Variants in DNAH3 observed in about 807,000 individuals in gnomAD.
DNAH3 encodes axonemal beta dynein heavy chain 3.
Under a neutral mutation model 432.5 loss-of-function variants are expected in DNAH3, and 332 were observed. The observed-to-expected ratio is 0.77, with a 90% CI of 0.70 to 0.84. The LOEUF (loss-of-function observed/expected upper bound fraction) is 0.84. Among genes scored for constraint, DNAH3 ranks in the 40% least tolerant of loss-of-function variants. The pLI is 0.00. For missense variants in DNAH3, 4,861 were observed against 5,114.0 expected, an observed-to-expected ratio of 0.95 and a Z score of 1.51; for synonymous variants, 1,956 against 1,900.2, an observed-to-expected ratio of 1.03 and a Z score of -0.76.
At chr16:21,139,711 T>C (rs1254599018) in intron 5 of DNAH3, among the ~76,000 whole-genome samples, 1 of 148,736 alleles carries the variant, frequency 6.7e-6, no homozygotes, top group African/African-American at 2.5e-5. Flanking sequence ...CAAGTGATCC[T>C]CCCCATTCCT....
At position 20,956,547 on chromosome 16, in the gene DNAH3, T is replaced by A. The variant is rs547739161; in HGVS notation, c.10827-1490A>T. 1.5e-4 allele frequency among the ~76,000 whole-genome samples: 23 copies of A among 152,294 alleles called. No homozygotes were observed. In the South Asian group the frequency reaches 4.8e-3, roughly 32 times the overall value. Reference sequence around the variant, plus strand: ...GCACTTGAGAACTTGAGTTCATGATTTTTGGGTCAGGATCATATTACAGTA... The same window carrying A: ...GCACTTGAGAACTTGAGTTCATGATATTTGGGTCAGGATCATATTACAGTA... On this transcript the variant is annotated intron_variant, in intron 54 of 61. Coordinates refer to ENST00000261383, the Ensembl canonical transcript of DNAH3.
chr16:21,141,197 G>A, intron 4 of DNAH3, 103 bp downstream of exon 5: 1 of 838,754 alleles, frequency 1.2e-6, no homozygotes, highest in Non-Finnish European at 1.9e-6. Flanking sequence ...TGATTATCTG[G>A]GAATGCTTTG....
At chr16:21,002,129 T>C (rs2087049949) in intron 42 of DNAH3, among the ~76,000 whole-genome samples, 1 of 152,160 alleles carries the variant, frequency 6.6e-6, no homozygotes, top group South Asian at 2.1e-4. Flanking sequence ...GCGTGGTGTC[T>C]GACTTGGTTG....
chr16:21,020,015 C>A, intron 40 of DNAH3, 146 bp from the exon 41 acceptor site: 4 of 814,346 alleles, frequency 4.9e-6, no homozygotes, highest in African/African-American at 1.8e-5. Flanking sequence ...CAGATCATTT[C>A]ACATGCATTT....
chr16:21,076,502 A>C (rs1415137564), intron 20 of DNAH3, among the ~76,000 whole-genome samples: 1 of 152,190 alleles, frequency 6.6e-6, no homozygotes, highest in Admixed American at 6.5e-5. Context: ...GAGCTCCTGC[A>C]CTAGACCCCA....
rs530110255 is a variant in DNAH3, at chr16:20,965,250, C to A, written c.8634G>T (p.Ser2878=). 11 of 1,612,746 alleles carry A rather than the reference C, an allele frequency of 6.8e-6. No individual in the cohort carries two copies. The East Asian group carries it at 2.2e-4, about 33-fold the overall frequency. The change falls in exon 53 of 62, where the codon TCG becomes TCT. Residue 2878 remains serine (S), a synonymous_variant. Transcript: ENST00000261383. Reference sequence around the variant, plus strand: ...ACTTGCACAGACCCTCGCAGGCCGACGATACATTTTTAATGACAGCTGGCT... The same window carrying A: ...ACTTGCACAGACCCTCGCAGGCCGAAGATACATTTTTAATGACAGCTGGCT...
intron 57 of DNAH3, among the ~76,000 whole-genome samples, chr16:20,944,988 G>C (rs2083981506): frequency 6.6e-6 from 1 of 152,122 alleles, no homozygotes; most frequent in African/African-American, 2.4e-5. Context: ...AGAGGCATTC[G>C]AACCAGAGCA....
exon 48 of DNAH3, chr16:20,985,258 T>C (rs199614135): frequency 6.2e-7 from 1 of 1,614,188 alleles, no homozygotes; most frequent in Non-Finnish European, 8.5e-7. Flanking sequence ...ATCCTTGATC[T>C]GGTTGTCGGC....
At chr16:21,107,014 A>C (rs1411141311) in intron 14 of DNAH3, among the ~76,000 whole-genome samples, 1 of 152,022 alleles carries the variant, frequency 6.6e-6, no homozygotes, top group Non-Finnish European at 1.5e-5. Context: ...TATACTTTAT[A>C]ATGGAAGAAA....
At chr16:20,974,658 C>T (rs73534328) in intron 51 of DNAH3, among the ~76,000 whole-genome samples, 1 of 127,816 alleles carries the variant, frequency 7.8e-6, no homozygotes, top group South Asian at 2.7e-4. Flanking sequence ...GAGGCTCTGG[C>T]GATCCTCCTG....
rs187879740 is a variant in DNAH3, at chr16:21,062,828, A to G, written c.3519-145T>C. ...TCACAAAGGCCCACTCTCTTTTATC[A>G]CTTTTCATCTGGGGCATGGAAGGTG... On this transcript the variant is annotated intron_variant, in intron 24 of 61. Coordinates refer to ENST00000261383, the Ensembl canonical transcript of DNAH3. The G allele has an allele frequency of 1.2e-3, 766 of 636,932 alleles. 3 individuals carry two copies. The highest frequency in any genetic ancestry group is 1.8e-3 in the Non-Finnish European group (687 of 372,226). 39.5% of individuals were successfully genotyped at this position (636,932 alleles called of 1,614,324 possible).
At chr16:20,991,604 T>C (rs2086563101) in intron 44 of DNAH3, among the ~76,000 whole-genome samples, 1 of 152,214 alleles carries the variant, frequency 6.6e-6, no homozygotes, top group Non-Finnish European at 1.5e-5. Flanking sequence ...TTTATAGTTT[T>C]TTCCCTCCAT....
chr16:21,115,721 TAAATA>T (rs1555563803), intron 12 of DNAH3, among the ~76,000 whole-genome samples: 65 of 141,020 alleles, frequency 4.6e-4, no homozygotes, highest in African/African-American at 1.5e-3. Flanking sequence ...AATAATAAAA[TAAATA>T]AAATAAAATA....
At chr16:20,934,499 G>A (rs2083518068) in intron 61 of DNAH3, among the ~76,000 whole-genome samples, 2 of 152,102 alleles carry the variant, frequency 1.3e-5, no homozygotes, top group Non-Finnish European at 2.9e-5. Context: ...CTAACACAAA[G>A]TCTGTTTTAT....
At chr16:21,153,940 C>T (rs769454216) in intron 1 of DNAH3, among the ~76,000 whole-genome samples, 10 of 152,160 alleles carry the variant, frequency 6.6e-5, no homozygotes, top group Non-Finnish European at 1.5e-5. Context: ...ATATTATGCT[C>T]TTTATCACAA....
rs751163729 is a variant in DNAH3, at chr16:21,067,251, G to A, written c.3518+32C>T. On this transcript the variant is annotated intron_variant, in intron 24 of 61. Transcript: ENST00000261383. Reference sequence around the variant, plus strand: ...TTCTACCTACATATGGGGCAAGAATGTAATTCCAAATAAAAGAACAATGCT... The same window carrying A: ...TTCTACCTACATATGGGGCAAGAATATAATTCCAAATAAAAGAACAATGCT... The A allele has an allele frequency of 3.3e-5, 53 of 1,612,406 alleles. 1 individual carries two copies. The highest frequency in any genetic ancestry group is 2.9e-4 in the South Asian group (26 of 91,004).
intron 20 of DNAH3, among the ~76,000 whole-genome samples, chr16:21,078,004 G>A (rs764000365): frequency 3.0e-4 from 45 of 152,068 alleles, no homozygotes; most frequent in Non-Finnish European, 5.9e-4. Context: ...GGCCAGGCAC[G>A]GTGGCTCACT....
At chr16:21,060,269 C>T in exon 26 of DNAH3, 1 of 1,613,536 alleles carries the variant, frequency 6.2e-7, no homozygotes, top group Non-Finnish European at 8.5e-7. Flanking sequence ...TTTACCTTGA[C>T]ATATGCTTCA....
intron 9 of DNAH3, among the ~76,000 whole-genome samples, chr16:21,122,362 C>T (rs1324655790): frequency 3.9e-5 from 6 of 152,082 alleles, no homozygotes; most frequent in African/African-American, 1.4e-4. Flanking sequence ...CAAGATCAGC[C>T]TGGCCAACAT....
Sources: allele counts gnomAD v4.1 joint callset (sites outside exome capture counted in the v4.1 genomes callset), GRCh38; gene constraint gnomAD v4.1.1; transcripts MANE v1.5; gene names NCBI Gene and HGNC (gene_info 2026-07-23, HGNC 2026-07-21).